PTBP3: variants seen among roughly 807,000 people sequenced by gnomAD.
PTBP3 encodes polypyrimidine tract-binding protein 3.
In PTBP3, 20 loss-of-function variants were observed where a neutral mutation model predicts 58.7. The observed-to-expected ratio is 0.34, with a 90% CI of 0.24 to 0.50. The LOEUF (loss-of-function observed/expected upper bound fraction) is 0.50. Among genes scored for constraint, PTBP3 ranks in the 20% least tolerant of loss-of-function variants. The pLI is 0.98. For missense variants in PTBP3, 509 were observed against 637.2 expected (o/e 0.80, Z 2.17); for synonymous variants, 185 against 219.8 (o/e 0.84, Z 1.40).
the PTBP3 span, among the ~76,000 whole-genome samples, chr9:112,339,748 G>A: frequency 6.6e-6 from 1 of 151,574 alleles, no homozygotes; most frequent in Non-Finnish European, 1.5e-5. Flanking sequence ...ATTTTTGGTA[G>A]AAATGGGATT....
intron 4 of PTBP3, among the ~76,000 whole-genome samples, chr9:112,265,273 C>T (rs1480865389): frequency 1.3e-5 from 2 of 151,988 alleles, no homozygotes; most frequent in Non-Finnish European, 2.9e-5. Context: ...GAGACAGAGG[C>T]GGGTGGATCA....
chr9:112,372,459 C>T, the PTBP3 span, among the ~76,000 whole-genome samples: 2 of 152,184 alleles, frequency 1.3e-5, no homozygotes, highest in Admixed American at 6.5e-5. Context: ...TTTTCATTGA[C>T]ATTTAGTATA....
chr9:112,249,823 A>ATTTTTAGTAT (rs1554791366), intron 7 of PTBP3, among the ~76,000 whole-genome samples: 1 of 148,588 alleles, frequency 6.7e-6, no homozygotes, highest in Non-Finnish European at 1.5e-5. Context: ...TTGCCCCAGT[A>ATTTTTAGTAT]TTTTTTTTTT....
At chr9:112,331,473 T>C (rs1464482814) in intron 1 of PTBP3, among the ~76,000 whole-genome samples, 4 of 152,240 alleles carry the variant, frequency 2.6e-5, no homozygotes, top group Non-Finnish European at 5.9e-5. Flanking sequence ...CTCATAAAAG[T>C]CAACGAATAA....
chr9:112,218,334 G>A (rs910142866), downstream of PTBP3: 3 of 152,332 alleles, frequency 2.0e-5, no homozygotes, highest in Non-Finnish European at 2.9e-5. Context: ...ACCATGACAC[G>A]TTTAGATGGA....
rs1301875851 is a variant in PTBP3 at position 112,232,086 on chromosome 9, C to G, written c.1020+13G>C. 1.9e-6 allele frequency: 3 copies of G among 1,598,368 alleles called. No homozygotes were observed. The highest frequency in any genetic ancestry group is 2.3e-5 in the South Asian group (2 of 87,964). On this transcript the variant is annotated intron_variant, in intron 9 of 13. Coordinates refer to ENST00000374257, the MANE Select transcript of PTBP3 (RefSeq NM_001163788.4). ...CCTGAAAGACTATTTACATATAATA[C>G]TTTTCAACTCACATCAGGATTGAGA... is the stretch of plus-strand genomic sequence containing the variant.
chr9:112,376,265 T>TTTG, the PTBP3 span, among the ~76,000 whole-genome samples: 2 of 140,770 alleles, frequency 1.4e-5, no homozygotes, highest in Non-Finnish European at 1.5e-5. Flanking sequence ...TTTTTTTTTT[T>TTTG]TTTTTTTGAG....
intron 2 of PTBP3, among the ~76,000 whole-genome samples, chr9:112,284,363 T>C (rs1458511879): frequency 6.6e-6 from 1 of 152,080 alleles, no homozygotes; most frequent in Admixed American, 6.5e-5. Context: ...GCCCTAGATG[T>C]GAGATGTGGA....
At chr9:112,349,373 A>G in the PTBP3 span, among the ~76,000 whole-genome samples, 1 of 152,106 alleles carries the variant, frequency 6.6e-6, no homozygotes, top group Non-Finnish European at 1.5e-5. Flanking sequence ...TGGTAAATGT[A>G]AGTAAAGTGT....
chr9:112,355,621 CTTT>C, the PTBP3 span, among the ~76,000 whole-genome samples: 1 of 127,800 alleles, frequency 7.8e-6, no homozygotes. Flanking sequence ...AACTCTTTTT[CTTT>C]TTTTTTTTTT....
intron 7 of PTBP3, among the ~76,000 whole-genome samples, chr9:112,239,831 AAGGGAGGGAGGGAGGGAGGGAGGGAGGG>A (rs1176899352): frequency 1.7e-3 from 66 of 39,308 alleles, no homozygotes; most frequent in Admixed American, 4.0e-3. Flanking sequence ...GGAAGGGAGG[AAGGGAGGGAGGGAGGGAGGGAGGGAGGG>A]AGGGAGGGAG....
upstream of PTBP3, among the ~76,000 whole-genome samples, chr9:112,335,350 A>G (rs1361612222): frequency 2.6e-5 from 4 of 151,820 alleles, no homozygotes; most frequent in African/African-American, 7.3e-5. Context: ...CAGTGGCACA[A>G]TCTGAGCTCA....
chr9:112,280,803 T>C (rs1369101748), intron 2 of PTBP3, among the ~76,000 whole-genome samples: 1 of 151,018 alleles, frequency 6.6e-6, no homozygotes, highest in Non-Finnish European at 1.5e-5. Flanking sequence ...ATATATATAG[T>C]GATTTTTTTT....
At chr9:112,355,805 G>C in the PTBP3 span, among the ~76,000 whole-genome samples, 1 of 151,702 alleles carries the variant, frequency 6.6e-6, no homozygotes, top group African/African-American at 2.4e-5. Flanking sequence ...TTTTTTTGTA[G>C]AGACAGGGTT....
Position 112,234,932 on chromosome 9 carries a change from C to T in PTBP3, c.803-35G>A, listed in dbSNP as rs369707416. ...AAGAGAAGCTAAAGTAAACACACTA[C>T]CTTCTATAAATATCGTTATCAAAGC... On this transcript the variant is annotated intron_variant, in intron 7 of 13. Coordinates refer to ENST00000374257, the MANE Select transcript of PTBP3 (RefSeq NM_001163788.4). The T allele has an allele frequency of 3.3e-6, 5 of 1,522,028 alleles. No homozygotes were observed. The Admixed American group carries it at 8.6e-5, about 26-fold the overall frequency. The allele number at this position is 1,522,028 out of a possible 1,614,324, so 94.3% of individuals were successfully genotyped here. A position where few individuals can be genotyped will look rare whatever the true frequency, so the allele number is the denominator to read the frequency against.
In PTBP3 at chr9:112,224,071, C is replaced by T. The variant is rs533566886; in HGVS notation, c.1442+62G>A. 1.0e-5 allele frequency: 16 copies of T among 1,548,796 alleles called. 1 individual carries two copies. The South Asian group carries it at 1.4e-4, about 14-fold the overall frequency. On this transcript the variant is annotated intron_variant, in intron 13 of 13. Coordinates refer to ENST00000374257, the MANE Select transcript of PTBP3 (RefSeq NM_001163788.4). ...TCCACCAGAAGACTTCACTGAACTA[C>T]CTTTAAAATTTGCATACCATATTAA...
intron 1 of PTBP3, among the ~76,000 whole-genome samples, chr9:112,314,669 A>G (rs1481697471): frequency 6.6e-6 from 1 of 152,172 alleles, no homozygotes; most frequent in Non-Finnish European, 1.5e-5. Flanking sequence ...ACAAAACAAA[A>G]CAAAACAAAA....
In PTBP3 at chr9:112,223,847, A is replaced by C; in HGVS notation, c.*4T>G. ...CAGTTTTAGGAGAAAAATTCACAGA[A>C]AAGTCAGATTGTAGATTTTGAGAAG... On this transcript the variant is annotated 3_prime_UTR_variant, in exon 14 of 14. Coordinates refer to ENST00000374257, the MANE Select transcript of PTBP3 (RefSeq NM_001163788.4). The C allele has an allele frequency of 6.2e-7, 1 of 1,613,542 alleles. No individual in the cohort carries two copies. The highest frequency in any genetic ancestry group is 8.5e-7 in the Non-Finnish European group (1 of 1,179,638).
At chr9:112,277,798 C>T (rs1345743669) in intron 2 of PTBP3, among the ~76,000 whole-genome samples, 3 of 151,908 alleles carry the variant, frequency 2.0e-5, no homozygotes, top group Non-Finnish European at 4.4e-5. Flanking sequence ...GTCACTTGAA[C>T]CCAGGAGGAG....
Sources: allele counts gnomAD v4.1 joint callset (sites outside exome capture counted in the v4.1 genomes callset), GRCh38; gene constraint gnomAD v4.1.1; transcripts MANE v1.5; gene names NCBI Gene and HGNC (gene_info 2026-07-23, HGNC 2026-07-21).